The following ATP8A2 variants were observed in gnomAD, a reference collection of about 807,000 sequenced individuals.
The protein encoded by ATP8A2 is ATPase phospholipid transporting 8A2, also known as phospholipid-transporting ATPase IB.
ATP8A2 carries 100 observed loss-of-function variants against 165.6 expected under a neutral mutation model. That is an observed-to-expected ratio of 0.60 (90% CI 0.51 to 0.71). The LOEUF is 0.71. Ranked by LOEUF, ATP8A2 falls within the 30% of genes least tolerant of loss-of-function variation. The pLI is 0.00. For missense variants in ATP8A2, 1,227 were observed against 1,479.5 expected (o/e 0.83, Z 2.80); for synonymous variants, 543 against 548.8 (o/e 0.99, Z 0.15).
chr13:25,760,344 G>A (rs901851934), intron 25 of ATP8A2, among the ~76,000 whole-genome samples: 5 of 152,214 alleles, frequency 3.3e-5, no homozygotes, highest in African/African-American at 7.2e-5. Context: ...TATGCCTCAT[G>A]TCTAAATCAA....
chr13:25,712,425 G>A (rs1163885512), intron 25 of ATP8A2, among the ~76,000 whole-genome samples: 1 of 152,174 alleles, frequency 6.6e-6, no homozygotes, highest in Non-Finnish European at 1.5e-5. Context: ...TGCACACTCA[G>A]GACTACGAGA....
At chr13:25,805,109 A>G (rs1194988884) in intron 27 of ATP8A2, among the ~76,000 whole-genome samples, 1 of 152,150 alleles carries the variant, frequency 6.6e-6, no homozygotes, top group African/African-American at 2.4e-5. Flanking sequence ...TCTTGTTTGC[A>G]TTCTCATTTC....
chr13:25,634,381 T>G (rs2041319976), intron 24 of ATP8A2, among the ~76,000 whole-genome samples: 1 of 152,228 alleles, frequency 6.6e-6, no homozygotes, highest in Non-Finnish European at 1.5e-5. Context: ...TTTAAAATGG[T>G]GACATTATGC....
chr13:25,780,575 C>T (rs1217094867), intron 27 of ATP8A2, among the ~76,000 whole-genome samples: 1 of 152,126 alleles, frequency 6.6e-6, no homozygotes, highest in Non-Finnish European at 1.5e-5. Flanking sequence ...ATCTGACAAG[C>T]CTAAAACAAG....
At chr13:25,855,210 C>T (rs1215149725) in intron 30 of ATP8A2, among the ~76,000 whole-genome samples, 1 of 149,950 alleles carries the variant, frequency 6.7e-6, no homozygotes, top group African/African-American at 2.5e-5. Flanking sequence ...GAGATCAAGC[C>T]ATTGCACTCC....
intron 25 of ATP8A2, among the ~76,000 whole-genome samples, chr13:25,731,126 A>AAG (rs146210880): frequency 0.48 from 55,810 of 117,262 alleles, 13,763 homozygotes; most frequent in East Asian, 0.7. Context: ...GGGAAAAGAA[A>AAG]AGAGAGAGAG....
chr13:25,856,927 G>A (rs188351971), intron 30 of ATP8A2, among the ~76,000 whole-genome samples: 18 of 152,260 alleles, frequency 1.2e-4, no homozygotes, highest in Admixed American at 1.2e-3. Context: ...AGCTGGCTTT[G>A]CATTTATTAT....
intron 27 of ATP8A2, among the ~76,000 whole-genome samples, chr13:25,805,480 G>A (rs1170491014): frequency 6.6e-6 from 1 of 152,026 alleles, no homozygotes; most frequent in Non-Finnish European, 1.5e-5. Context: ...TCATGCCACT[G>A]TACTCCAGCC....
chr13:25,520,842 C>T (rs578095617), intron 2 of ATP8A2, among the ~76,000 whole-genome samples: 2 of 152,204 alleles, frequency 1.3e-5, no homozygotes, highest in East Asian at 3.9e-4. Flanking sequence ...TCTCGATTTC[C>T]TGACCTCGTG....
intron 33 of ATP8A2, among the ~76,000 whole-genome samples, chr13:25,875,509 T>A (rs1263442887): frequency 6.6e-6 from 1 of 151,866 alleles, no homozygotes; most frequent in East Asian, 1.9e-4. Context: ...CACAAACAGA[T>A]GCCAAGTATT....
At chr13:25,959,987 C>A (rs1290630210) in intron 33 of ATP8A2, among the ~76,000 whole-genome samples, 1 of 152,236 alleles carries the variant, frequency 6.6e-6, no homozygotes, top group East Asian at 1.9e-4. Context: ...AGCAAGTCCT[C>A]CCATTCCAGG....
intron 34 of ATP8A2, among the ~76,000 whole-genome samples, chr13:25,962,104 T>C (rs1408096835): frequency 6.6e-6 from 1 of 152,208 alleles, no homozygotes; most frequent in Non-Finnish European, 1.5e-5. Flanking sequence ...TCAATAGGAA[T>C]GTTGCCTTAT....
chr13:25,394,790 C>T (rs999116770), intron 1 of ATP8A2, among the ~76,000 whole-genome samples: 6 of 152,216 alleles, frequency 3.9e-5, no homozygotes, highest in Admixed American at 6.5e-5. Flanking sequence ...TCTCCCTCTC[C>T]CATACCAGAA....
intron 33 of ATP8A2, among the ~76,000 whole-genome samples, chr13:25,883,999 A>G (rs560915246): frequency 3.0e-4 from 46 of 152,266 alleles, no homozygotes; most frequent in African/African-American, 8.9e-4. Context: ...TTTTGTGCAC[A>G]TGGCCTTTTC....
chr13:25,800,794 A>G (rs1950607096), intron 27 of ATP8A2, among the ~76,000 whole-genome samples: 1 of 151,924 alleles, frequency 6.6e-6, no homozygotes, highest in African/African-American at 2.4e-5. Context: ...AAAAAGTCTC[A>G]GTAAGCAACA....
intron 18 of ATP8A2, among the ~76,000 whole-genome samples, chr13:25,573,763 G>C (rs1210092683): frequency 6.6e-6 from 1 of 152,132 alleles, no homozygotes; most frequent in East Asian, 1.9e-4. Context: ...GGAAAGTTAG[G>C]ACAGGCTGTG....
intron 30 of ATP8A2, among the ~76,000 whole-genome samples, chr13:25,859,584 A>G (rs1443360523): frequency 2.0e-5 from 3 of 152,002 alleles, no homozygotes; most frequent in Admixed American, 6.6e-5. Flanking sequence ...AAAGGAAAAT[A>G]TAGGAAAACT....
intron 24 of ATP8A2, among the ~76,000 whole-genome samples, chr13:25,664,768 C>G (rs950268675): frequency 3.9e-5 from 6 of 152,254 alleles, no homozygotes; most frequent in Non-Finnish European, 7.3e-5. Context: ...CAATTGCTAC[C>G]TGGATTCCTG....
At chr13:25,529,854 G>A in intron 2 of ATP8A2, 145 bp from the exon 3 acceptor site, 1 of 548,704 alleles carries the variant, frequency 1.8e-6, no homozygotes, top group South Asian at 2.7e-5. Context: ...CTCTTTAGGA[G>A]AAGATACACA....
Sources: allele counts gnomAD v4.1 joint callset (sites outside exome capture counted in the v4.1 genomes callset), GRCh38; gene constraint gnomAD v4.1.1; transcripts MANE v1.5; gene names NCBI Gene and HGNC (gene_info 2026-07-23, HGNC 2026-07-21).